The following LAD1 variants were observed in gnomAD, a reference collection of about 807,000 sequenced individuals.
LAD1 encodes the protein ladinin-1.
In LAD1, 53 loss-of-function variants were observed where a neutral mutation model predicts 54.2. The ratio of observed to expected loss-of-function variants is 0.98; its 90% CI spans 0.78 to 1.23. The LOEUF is 1.23. Among genes scored for constraint, LAD1 ranks in the 50% most tolerant of loss-of-function variants. The pLI is 0.00. For missense variants in LAD1, 637 were observed against 653.3 expected (o/e 0.98, Z 0.27); for synonymous variants, 231 against 257.7 (o/e 0.90, Z 0.99).
chr1:201,384,925 C>T, intron 4 of LAD1, 90 bp from the exon 5 acceptor site: 1 of 1,263,662 alleles, frequency 7.9e-7, no homozygotes, highest in East Asian at 2.3e-5. Context: ...CAAGACATGT[C>T]CTCCTCCTCT....
At chr1:201,388,298 AAAT>A (rs1178800369) in intron 2 of LAD1, among the ~76,000 whole-genome samples, 1 of 151,004 alleles carries the variant, frequency 6.6e-6, no homozygotes, top group Non-Finnish European at 1.5e-5. Context: ...GGCTGAGGCA[AAAT>A]AGCTTGAACC....
At chr1:201,389,338 G>T (rs769471345) in intron 1 of LAD1, 35 bp from the exon 2 acceptor site, 1 of 1,599,056 alleles carries the variant, frequency 6.3e-7, no homozygotes, top group Non-Finnish European at 8.5e-7. Flanking sequence ...GCACAGCTGG[G>T]GAAACCCAGG....
chr1:201,391,302 C>T, intron 1 of LAD1: 1 of 373,558 alleles, frequency 2.7e-6, no homozygotes. Context: ...GCCAAGCAGG[C>T]ATTCTACAGC....
chr1:201,396,902 T>C (rs912285517), intron 1 of LAD1, among the ~76,000 whole-genome samples: 3 of 152,106 alleles, frequency 2.0e-5, no homozygotes, highest in Non-Finnish European at 4.4e-5. Context: ...AGGGAAATGA[T>C]TAACCACTGG....
intron 8 of LAD1, 84 bp downstream of exon 8, chr1:201,382,569 C>T: frequency 8.7e-7 from 1 of 1,154,888 alleles, no homozygotes; most frequent in Non-Finnish European, 1.3e-6. Flanking sequence ...AATGACTCCT[C>T]CTCTCCCGAC....
intron 1 of LAD1, among the ~76,000 whole-genome samples, chr1:201,393,818 T>C (rs1350018338): frequency 6.7e-6 from 1 of 149,320 alleles, no homozygotes; most frequent in Non-Finnish European, 1.5e-5. Flanking sequence ...AGTTAAGGTA[T>C]AATTTACATT....
Position 201,386,575 on chromosome 1 carries a change from G to C in LAD1, c.786C>G (p.Ile262Met). ...TCTCTGAGGCCAGTGCCTTCTCAAA[G>C]ATGGAAGCTTTCTCAGACACCAGCC... The part of the protein sequence containing the change: ...GRRLVSEKAS[I>M]FEKALASEKS... The change falls in exon 3 of 10, where the codon ATC becomes ATG. Residue 262 changes from isoleucine (I) to methionine (M), a missense_variant. Ile to Met is a conservative substitution (Grantham distance 10). Coordinates refer to ENST00000391967, the MANE Select transcript of LAD1 (RefSeq NM_005558.4). 1 of 1,614,040 alleles carries C rather than the reference G, an allele frequency of 6.2e-7. No homozygotes were observed. The highest frequency in any genetic ancestry group is 8.5e-7 in the Non-Finnish European group (1 of 1,179,990).
intron 8 of LAD1, 69 bp downstream of exon 8, chr1:201,382,584 C>T: frequency 3.1e-6 from 4 of 1,298,188 alleles, no homozygotes; most frequent in Non-Finnish European, 4.4e-6. Context: ...CCCGACTGTC[C>T]CTCCTCTGTC....
Position 201,398,352 on chromosome 1 carries a change from G to A in LAD1, c.38+917C>T, listed in dbSNP as rs1662336638. ...AATGCCCACCTGGGAGGAGCTAAGA[G>A]GCTAATATCTACCTGGCTAGAAAGG... is the stretch of plus-strand genomic sequence containing the variant. On this transcript the variant is annotated intron_variant, in intron 1 of 9. Coordinates refer to ENST00000391967, the MANE Select transcript of LAD1 (RefSeq NM_005558.4). 2.0e-5 allele frequency among the ~76,000 whole-genome samples: 3 copies of A among 152,224 alleles called. No individual in the cohort carries two copies. The South Asian group carries it at 6.2e-4, about 32-fold the overall frequency.
Position 201,389,337 on chromosome 1 carries a change from G to C in LAD1, c.39-34C>G, listed in dbSNP as rs367560705. ...GGGGAGGAGAGGGTCAGCACAGCTGGGGAAACCCAGGACCCTCCCGAGGCA... is the reference window on the plus strand; with the variant it reads ...GGGGAGGAGAGGGTCAGCACAGCTGCGGAAACCCAGGACCCTCCCGAGGCA... On this transcript the variant is annotated intron_variant, in intron 1 of 9. Transcript: ENST00000391967. The C allele has an allele frequency of 1.9e-6, 3 of 1,599,546 alleles. No individual in the cohort carries two copies. In the African/African-American group the frequency reaches 4.0e-5, roughly 21 times the overall value.
chr1:201,382,507 C>T, intron 8 of LAD1, 146 bp downstream of exon 8: 1 of 770,326 alleles, frequency 1.3e-6, no homozygotes, highest in Non-Finnish European at 2.2e-6. Context: ...TCCCGACTGC[C>T]TCCACTCCTG....
chr1:201,382,109 C>T lies in LAD1; in HGVS notation c.1548+143G>A. 4 of 861,638 alleles carry T rather than the reference C, an allele frequency of 4.6e-6. No homozygotes were observed. The South Asian group carries it at 4.7e-5, about 10-fold the overall frequency. The allele number at this position is 861,638 out of a possible 1,614,324, so 53.4% of individuals were successfully genotyped here. ...CCTTGTTCTCACGGTTGGCTCAGACCAATCTGCATGAGCAGGGATGGGGGC... is the reference window on the plus strand; with the variant it reads ...CCTTGTTCTCACGGTTGGCTCAGACTAATCTGCATGAGCAGGGATGGGGGC... On this transcript the variant is annotated intron_variant, in intron 9 of 9. Coordinates refer to ENST00000391967, the MANE Select transcript of LAD1 (RefSeq NM_005558.4).
intron 1 of LAD1, among the ~76,000 whole-genome samples, chr1:201,394,740 C>T (rs552000277): frequency 6.6e-6 from 1 of 152,328 alleles, no homozygotes; most frequent in South Asian, 2.1e-4. Flanking sequence ...CCTCTGGATG[C>T]ACCCCGTCCC....
At chr1:201,387,714 T>C (rs954806332) in intron 2 of LAD1, among the ~76,000 whole-genome samples, 40 of 151,906 alleles carry the variant, frequency 2.6e-4, no homozygotes, top group Admixed American at 2.2e-3. Context: ...TCCTCCAGAG[T>C]CTGCTGCCGG....
intron 1 of LAD1, among the ~76,000 whole-genome samples, chr1:201,390,891 C>T (rs889185243): frequency 1.4e-4 from 21 of 152,160 alleles, no homozygotes; most frequent in Non-Finnish European, 7.3e-5. Context: ...TGACTAGGAA[C>T]GTGGAAGGGC....
At chr1:201,391,826 G>C (rs1038728507) in intron 1 of LAD1, among the ~76,000 whole-genome samples, 1 of 152,324 alleles carries the variant, frequency 6.6e-6, no homozygotes, top group Non-Finnish European at 1.5e-5. Context: ...GAGACAGGAG[G>C]GGGTGTGAGC....
rs16848493 is a variant in LAD1, at chr1:201,380,954, C to T, written c.*934G>A. Reference sequence around the variant, plus strand: ...AGATTCTCTGATGGTTCACCATGCTCCAAGCTCATAGGAGCCATGAGGTCC... The same window carrying T: ...AGATTCTCTGATGGTTCACCATGCTTCAAGCTCATAGGAGCCATGAGGTCC... On this transcript the variant is annotated 3_prime_UTR_variant, in exon 10 of 10. Coordinates refer to ENST00000391967, the MANE Select transcript of LAD1 (RefSeq NM_005558.4). 10,093 of 151,884 alleles carry T rather than the reference C, an allele frequency of 0.066. 390 individuals are homozygous for T. Among genetic ancestry groups the T allele is most frequent in the African/African-American group, 0.11 (4,722 of 41,328 alleles). 9.4% of individuals were successfully genotyped at this position (151,884 alleles called of 1,614,324 possible).
chr1:201,388,436 G>A (rs1474696286), intron 2 of LAD1, among the ~76,000 whole-genome samples: 2 of 150,186 alleles, frequency 1.3e-5, no homozygotes, highest in African/African-American at 4.9e-5. Context: ...TGTATTCCCA[G>A]CACTTTGGGA....
rs144622373 is a variant in LAD1, at chr1:201,388,184, A to G, written c.182+976T>C. Among the ~76,000 whole-genome samples, 85 of 152,310 alleles carry G rather than the reference A, an allele frequency of 5.6e-4. 1 individual carries two copies. The East Asian group carries it at 0.016, about 29-fold the overall frequency. On this transcript the variant is annotated intron_variant, in intron 2 of 9. Transcript: ENST00000391967. ...GGCTGGTGGATCACCTGAGGTCAGG[A>G]GTTCAAGATCAGCCTGCCCAACATG...
Sources: gnomAD v4.1 joint callset for allele counts (sites outside exome capture counted in the v4.1 genomes callset) on GRCh38, gnomAD v4.1.1 for gene constraint, MANE v1.5 for transcripts, NCBI Gene and HGNC (gene_info 2026-07-23, HGNC 2026-07-21) for gene names.